The following ZBTB44 variants were observed in gnomAD, a reference collection of about 807,000 sequenced individuals.
ZBTB44 encodes the protein zinc finger and BTB domain-containing protein 44.
Under a neutral mutation model 54.0 loss-of-function variants are expected in ZBTB44, and 15 were observed. The observed-to-expected ratio is 0.28, with a 90% confidence interval of 0.19 to 0.43. ZBTB44 has a LOEUF of 0.43. ZBTB44 is among the 20% of genes least tolerant of loss of function. The pLI is 1.00. For missense variants in ZBTB44, 487 were observed against 707.1 expected (o/e 0.69, Z 3.53); for synonymous variants, 230 against 250.1 (o/e 0.92, Z 0.76).
At chr11:130,273,848 C>G (rs1939856690) in intron 1 of ZBTB44, among the ~76,000 whole-genome samples, 1 of 152,106 alleles carries the variant, frequency 6.6e-6, no homozygotes, top group South Asian at 2.1e-4. Context: ...GCAGGTGGAT[C>G]ACTTGAGGCC....
intron 2 of ZBTB44, among the ~76,000 whole-genome samples, chr11:130,257,228 T>A: frequency 8.1e-6 from 1 of 124,192 alleles, no homozygotes. Flanking sequence ...AGCACATGCA[T>A]CCCAGATCTT....
At chr11:130,294,726 C>T (rs1217507277) in intron 1 of ZBTB44, among the ~76,000 whole-genome samples, 1 of 152,020 alleles carries the variant, frequency 6.6e-6, no homozygotes, top group Non-Finnish European at 1.5e-5. Context: ...GCTTAGTGTT[C>T]CAATAATGGA....
At chr11:130,283,589 C>T (rs1206199926) in intron 1 of ZBTB44, among the ~76,000 whole-genome samples, 1 of 152,048 alleles carries the variant, frequency 6.6e-6, no homozygotes, top group Non-Finnish European at 1.5e-5. Context: ...TTAATAAACA[C>T]AATTATATGT....
At chr11:130,302,939 C>T (rs554117134) in intron 1 of ZBTB44, among the ~76,000 whole-genome samples, 3 of 152,272 alleles carry the variant, frequency 2.0e-5, no homozygotes, top group Admixed American at 6.5e-5. Flanking sequence ...CACACCATTG[C>T]GCTCCAGCCT....
intron 1 of ZBTB44, among the ~76,000 whole-genome samples, chr11:130,289,540 C>A (rs1941181055): frequency 6.8e-6 from 1 of 148,048 alleles, no homozygotes. Flanking sequence ...GTTTATCTGG[C>A]CAAGAAAAAT....
Position 130,256,038 on chromosome 11 carries a change from C to G in ZBTB44, c.1018+4818G>C, listed in dbSNP as rs181137729. ...ATTCTACCAAAGGTACGAAGAGAAG[C>G]TGGTACCATTCCTAACAACAGAAAA... On this transcript the variant is annotated intron_variant, in intron 2 of 7. Coordinates refer to ENST00000357899, the MANE Select transcript of ZBTB44 (RefSeq NM_001301098.2). 3.9e-5 allele frequency among the ~76,000 whole-genome samples: 6 copies of G among 152,198 alleles called. No homozygotes were observed. The East Asian group carries it at 7.7e-4, about 20-fold the overall frequency.
Position 130,228,669 on chromosome 11 carries a change from T to C in ZBTB44, c.*3095A>G, listed in dbSNP as rs1409040632. 3.3e-5 allele frequency: 5 copies of C among 152,202 alleles called. No homozygotes were observed. The highest frequency in any genetic ancestry group is 5.9e-5 in the Non-Finnish European group (4 of 68,030). The allele number at this position is 152,202 out of a possible 1,614,324, so 9.4% of individuals were successfully genotyped here. On this transcript the variant is annotated 3_prime_UTR_variant, in exon 8 of 8. Coordinates refer to ENST00000357899, the MANE Select transcript of ZBTB44 (RefSeq NM_001301098.2). Reference sequence around the variant, plus strand: ...TCCTTCCTCAGCAGGTGATGTACTTTGGTAACCTCAACATTCATTTATGGG... The same window carrying C: ...TCCTTCCTCAGCAGGTGATGTACTTCGGTAACCTCAACATTCATTTATGGG...
At chr11:130,245,490 T>C (rs1352177588) in intron 2 of ZBTB44, among the ~76,000 whole-genome samples, 1 of 152,210 alleles carries the variant, frequency 6.6e-6, no homozygotes, top group African/African-American at 2.4e-5. Context: ...AAGACCTATT[T>C]GACGGTGCTC....
At chr11:130,271,431 G>T (rs888320996) in intron 1 of ZBTB44, among the ~76,000 whole-genome samples, 2 of 152,154 alleles carry the variant, frequency 1.3e-5, no homozygotes, top group African/African-American at 4.8e-5. Flanking sequence ...TAACAAGGAA[G>T]CTACCAAAGA....
intron 1 of ZBTB44, among the ~76,000 whole-genome samples, chr11:130,290,915 T>A (rs17139289): frequency 6.6e-6 from 1 of 152,152 alleles, no homozygotes; most frequent in Admixed American, 6.5e-5. Context: ...CTCTCTATTA[T>A]GCTTTTAGAT....
chr11:130,236,936 C>A lies in ZBTB44; in HGVS notation c.1425G>T (p.Arg475Ser). ...GCTTGCGGATAATGTGCCGGGAAACCCTCATGTGGTGTTTATATTCCCCGA... is the reference window on the plus strand; with the variant it reads ...GCTTGCGGATAATGTGCCGGGAAACACTCATGTGGTGTTTATATTCCCCGA... The part of the protein sequence containing the change: ...TSFGEYKHHM[R>S]VSRHIIRKPR... Residue 475 changes from arginine (R) to serine (S), a missense_variant, in exon 5 of 8, where the codon AGG (arginine) becomes AGT (serine). Transcript: ENST00000357899. 1 of 1,609,902 alleles carries A rather than the reference C, an allele frequency of 6.2e-7. No homozygotes were observed. Among genetic ancestry groups the A allele is most frequent in the Non-Finnish European group, 8.5e-7 (1 of 1,178,220 alleles).
chr11:130,266,268 A>T (rs1051470655), intron 1 of ZBTB44, among the ~76,000 whole-genome samples: 1 of 152,186 alleles, frequency 6.6e-6, no homozygotes, highest in African/African-American at 2.4e-5. Flanking sequence ...GGTTTACTGA[A>T]TGTTTTAAAA....
intron 1 of ZBTB44, chr11:130,285,941 A>G (rs1368211171): frequency 1.3e-5 from 2 of 152,324 alleles, no homozygotes; most frequent in African/African-American, 4.8e-5. Flanking sequence ...TGATTTGATA[A>G]TAGTGTAAGA....
At chr11:130,259,996 A>T (rs1938741027) in intron 2 of ZBTB44, among the ~76,000 whole-genome samples, 1 of 152,124 alleles carries the variant, frequency 6.6e-6, no homozygotes, top group South Asian at 2.1e-4. Flanking sequence ...AAATCATTTT[A>T]TTTTCAATCT....
At chr11:130,309,070 T>G (rs969363794) in intron 1 of ZBTB44, among the ~76,000 whole-genome samples, 1 of 152,226 alleles carries the variant, frequency 6.6e-6, no homozygotes. Context: ...GTTAGCTCAC[T>G]GCAACCTTGG....
In ZBTB44 at chr11:130,231,696, T is replaced by G. The variant is rs563688475; in HGVS notation, c.*68A>C. Reference sequence around the variant, plus strand: ...TTCTTTTTTCTTTCCTCTTGCTCTTTCAAAAACCACCTCTTGGAACTAAGG... The same window carrying G: ...TTCTTTTTTCTTTCCTCTTGCTCTTGCAAAAACCACCTCTTGGAACTAAGG... On this transcript the variant is annotated 3_prime_UTR_variant, in exon 8 of 8. Coordinates refer to ENST00000357899, the MANE Select transcript of ZBTB44 (RefSeq NM_001301098.2). 6.6e-6 allele frequency: 1 copy of G among 152,304 alleles called. No individual in the cohort carries two copies. The highest frequency in any genetic ancestry group is 2.1e-4 in the South Asian group (1 of 4,830). 9.4% of individuals were successfully genotyped at this position (152,304 alleles called of 1,614,324 possible).
intron 1 of ZBTB44, among the ~76,000 whole-genome samples, chr11:130,284,784 T>C (rs1412254961): frequency 6.6e-6 from 1 of 152,022 alleles, no homozygotes; most frequent in Admixed American, 6.6e-5. Context: ...AAGAATCGCT[T>C]GAACCCAGGA....
At chr11:130,291,432 C>T (rs895088908) in intron 1 of ZBTB44, among the ~76,000 whole-genome samples, 4 of 152,134 alleles carry the variant, frequency 2.6e-5, no homozygotes, top group African/African-American at 9.7e-5. Context: ...CCACCGCGCC[C>T]GGCCAGCCTT....
At chr11:130,269,335 T>C (rs1469570988) in intron 1 of ZBTB44, among the ~76,000 whole-genome samples, 1 of 152,156 alleles carries the variant, frequency 6.6e-6, no homozygotes, top group East Asian at 1.9e-4. Context: ...TAGATGAATA[T>C]GTATATGTGT....
Sources: allele counts gnomAD v4.1 joint callset (sites outside exome capture counted in the v4.1 genomes callset), GRCh38; gene constraint gnomAD v4.1.1; transcripts MANE v1.5; gene names NCBI Gene and HGNC (gene_info 2026-07-23, HGNC 2026-07-21).